Variants in PTPRM observed in about 807,000 individuals in gnomAD.
PTPRM encodes protein tyrosine phosphatase receptor type M.
A neutral mutation model predicts 186.7 loss-of-function variants in PTPRM; 47 were observed. The ratio of observed to expected loss-of-function variants is 0.25; its 90% CI spans 0.20 to 0.32. The LOEUF is 0.32. Among genes scored for constraint, PTPRM ranks in the 10% least tolerant of loss-of-function variants. The pLI is 1.00. For missense variants in PTPRM, 1,494 were observed against 1,865.0 expected (o/e 0.80, Z 3.66); for synonymous variants, 668 against 674.9 (o/e 0.99, Z 0.16).
intron 20 of PTPRM, among the ~76,000 whole-genome samples, chr18:8,301,605 C>T (rs1292368309): frequency 6.6e-6 from 1 of 152,362 alleles, no homozygotes; most frequent in East Asian, 1.9e-4. Flanking sequence ...GGCACTGTGC[C>T]AAACCACAGT....
At chr18:7,739,024 G>A (rs898607159) in intron 1 of PTPRM, among the ~76,000 whole-genome samples, 3 of 152,132 alleles carry the variant, frequency 2.0e-5, no homozygotes, top group Non-Finnish European at 1.5e-5. Flanking sequence ...TCTAGCCACT[G>A]AGCTGGTCAT....
chr18:8,113,383 T>G (rs2145709275), intron 11 of PTPRM, 103 bp from the exon 12 acceptor site: 1 of 1,044,282 alleles, frequency 9.6e-7, no homozygotes, highest in Non-Finnish European at 1.4e-6. Flanking sequence ...CTGCGTCCAG[T>G]GTGTTCTTTA....
chr18:8,171,190 C>CT (rs1374784669), intron 14 of PTPRM, among the ~76,000 whole-genome samples: 1 of 152,144 alleles, frequency 6.6e-6, no homozygotes, highest in Non-Finnish European at 1.5e-5. Flanking sequence ...TGCTAGAGAA[C>CT]TTTTTTTAAA....
intron 19 of PTPRM, among the ~76,000 whole-genome samples, chr18:8,295,624 C>G (rs980334439): frequency 2.6e-5 from 4 of 152,194 alleles, no homozygotes; most frequent in African/African-American, 9.7e-5. Flanking sequence ...ATCCTGTTCA[C>G]TTCCATCCTT....
chr18:7,955,007 C>T (rs2053220384), intron 6 of PTPRM, 114 bp from the exon 7 acceptor site: 10 of 1,146,206 alleles, frequency 8.7e-6, no homozygotes, highest in Non-Finnish European at 1.2e-5. Flanking sequence ...TTTTTCTCAT[C>T]AATTTATTCC....
intron 9 of PTPRM, among the ~76,000 whole-genome samples, chr18:8,082,385 G>A (rs1409063258): frequency 6.6e-6 from 1 of 152,088 alleles, no homozygotes; most frequent in Non-Finnish European, 1.5e-5. Context: ...GTTTAGGAAG[G>A]CTTTACAGAT....
chr18:8,115,037 AATAAG>A (rs1228157176), intron 13 of PTPRM, among the ~76,000 whole-genome samples: 1 of 151,712 alleles, frequency 6.6e-6, no homozygotes, highest in African/African-American at 2.4e-5. Flanking sequence ...TACTTTTTAA[AATAAG>A]AAGCTATATT....
intron 14 of PTPRM, among the ~76,000 whole-genome samples, chr18:8,241,115 G>A (rs1228929514): frequency 6.6e-6 from 1 of 152,164 alleles, no homozygotes; most frequent in African/African-American, 2.4e-5. Flanking sequence ...ATCACCTGAG[G>A]TCAGGAGTTT....
chr18:7,732,010 T>C (rs1310232210), intron 1 of PTPRM, among the ~76,000 whole-genome samples: 3 of 152,218 alleles, frequency 2.0e-5, no homozygotes, highest in African/African-American at 7.2e-5. Context: ...GAAAACATTT[T>C]CTAACGTCTT....
chr18:7,657,102 T>C (rs1410982530), intron 1 of PTPRM, among the ~76,000 whole-genome samples: 1 of 152,212 alleles, frequency 6.6e-6, no homozygotes, highest in Non-Finnish European at 1.5e-5. Context: ...GAGAAAATAG[T>C]TGTGTCCCTG....
chr18:7,720,304 A>G (rs117063249), intron 1 of PTPRM, among the ~76,000 whole-genome samples: 4,206 of 152,218 alleles, frequency 0.028, 74 homozygotes, highest in Non-Finnish European at 0.04. Flanking sequence ...GCTTTTTCCA[A>G]TATGCACACT....
At chr18:7,731,067 C>G (rs2040648957) in intron 1 of PTPRM, among the ~76,000 whole-genome samples, 1 of 152,206 alleles carries the variant, frequency 6.6e-6, no homozygotes, top group South Asian at 2.1e-4. Context: ...TCCATCATAT[C>G]TATTTAACTG....
chr18:7,694,718 T>A (rs930233047), intron 1 of PTPRM, among the ~76,000 whole-genome samples: 1 of 152,148 alleles, frequency 6.6e-6, no homozygotes, highest in Non-Finnish European at 1.5e-5. Context: ...TGAGCCGCCG[T>A]GCCGCTGGAA....
intron 4 of PTPRM, among the ~76,000 whole-genome samples, chr18:7,914,615 C>CTATTAT (rs111719506): frequency 9.2e-5 from 14 of 151,654 alleles, no homozygotes; most frequent in African/African-American, 2.4e-4. Flanking sequence ...TTAATGTTAA[C>CTATTAT]TATTATTATT....
chr18:7,816,382 C>T (rs1450794317), intron 2 of PTPRM, among the ~76,000 whole-genome samples: 1 of 152,124 alleles, frequency 6.6e-6, no homozygotes, highest in Non-Finnish European at 1.5e-5. Flanking sequence ...AAATAATATA[C>T]TTCCCTCATA....
chr18:7,667,021 G>A (rs1393355907), intron 1 of PTPRM, among the ~76,000 whole-genome samples: 1 of 152,184 alleles, frequency 6.6e-6, no homozygotes, highest in African/African-American at 2.4e-5. Flanking sequence ...AACAATACTA[G>A]GGACCAACTC....
intron 2 of PTPRM, among the ~76,000 whole-genome samples, chr18:7,886,268 G>A (rs1314291088): frequency 6.6e-6 from 1 of 152,104 alleles, no homozygotes; most frequent in Non-Finnish European, 1.5e-5. Flanking sequence ...ATTTATGATG[G>A]GGTTCATCAA....
At chr18:7,754,701 A>G (rs1353950305) in intron 1 of PTPRM, 1 of 152,218 alleles carries the variant, frequency 6.6e-6, no homozygotes, top group African/African-American at 2.4e-5. Flanking sequence ...CTCAAGAAAT[A>G]AGCATCAGGA....
chr18:7,810,889 T>C lies in PTPRM; in HGVS notation c.196+36618T>C, dbSNP rs368990749. On this transcript the variant is annotated intron_variant, in intron 2 of 32. Coordinates refer to ENST00000580170, the MANE Select transcript of PTPRM (RefSeq NM_001105244.2). ...ACCTTTAATTCTTTCTGCTAGGTCA[T>C]AGGCAGGATTTTGAATTATGCTATT... is the stretch of plus-strand genomic sequence containing the variant. Among the ~76,000 whole-genome samples, 4 of 152,372 alleles carry C rather than the reference T, an allele frequency of 2.6e-5. No homozygotes were observed. In the East Asian group the frequency reaches 7.7e-4, roughly 29 times the overall value.
Sources: allele counts gnomAD v4.1 joint callset (sites outside exome capture counted in the v4.1 genomes callset), GRCh38; gene constraint gnomAD v4.1.1; transcripts MANE v1.5; gene names NCBI Gene and HGNC (gene_info 2026-07-23, HGNC 2026-07-21).